Variants in DMD observed in about 807,000 individuals in gnomAD.
DMD encodes mutant dystrophin.
In DMD, 63 loss-of-function variants were observed where a neutral mutation model predicts 330.1. That is an observed-to-expected ratio of 0.19 (90% confidence interval 0.16 to 0.24). DMD has a LOEUF of 0.24. Among genes scored for constraint, DMD ranks in the 10% least tolerant of loss-of-function variants. DMD has a pLI of 1.00. For synonymous variants in DMD, 1,223 were observed against 959.8 expected (o/e 1.27, Z -5.07); for missense variants, 3,344 against 2,684.1 (o/e 1.25, Z -5.43).
chrX:32,899,876 G>T (rs2149293329), intron 2 of DMD, among the ~76,000 whole-genome samples: 1 of 110,911 alleles, frequency 9.0e-6, no homozygotes, highest in South Asian at 3.8e-4. Context: ...GTTTGAAATT[G>T]AGTTCAGTTG....
At chrX:32,776,146 A>C (rs1360699498) in intron 7 of DMD, among the ~76,000 whole-genome samples, 1 of 111,399 alleles carries the variant, frequency 9.0e-6, no homozygotes, top group African/African-American at 3.3e-5. Context: ...CCAGTTCCCA[A>C]CAAGTTCCTC....
chrX:31,294,867 C>G (rs751575731), intron 62 of DMD, among the ~76,000 whole-genome samples: 1 of 112,068 alleles, frequency 8.9e-6, no homozygotes, highest in Non-Finnish European at 1.9e-5. Context: ...TGCTCAGAGA[C>G]GTAGTGTTGA....
At chrX:33,053,592 T>A (rs1334494754) in intron 1 of DMD, among the ~76,000 whole-genome samples, 1 of 109,042 alleles carries the variant, frequency 9.2e-6, no homozygotes, top group Non-Finnish European at 1.9e-5. Context: ...CAAGACTCCA[T>A]CTCAAAAAAA....
chrX:32,482,348 C>T (rs1183441268), intron 21 of DMD, among the ~76,000 whole-genome samples: 1 of 111,329 alleles, frequency 9.0e-6, no homozygotes, highest in Non-Finnish European at 1.9e-5. Context: ...AATCTTATTT[C>T]TGCCTGTACA....
intron 9 of DMD, among the ~76,000 whole-genome samples, chrX:32,654,333 C>G (rs757380645): frequency 4.0e-4 from 45 of 111,550 alleles, no homozygotes; most frequent in African/African-American, 1.3e-3. Context: ...CCATCAATAC[C>G]TAATTTATTG....
chrX:33,300,795 A>G (rs1209242670), intron 1 of DMD, among the ~76,000 whole-genome samples: 1 of 111,791 alleles, frequency 8.9e-6, no homozygotes, highest in Non-Finnish European at 1.9e-5. Flanking sequence ...AAAAGGACTA[A>G]GACACTGATT....
chrX:32,427,008 G>A (rs2148075536), intron 29 of DMD, among the ~76,000 whole-genome samples: 1 of 111,253 alleles, frequency 9.0e-6, no homozygotes, highest in African/African-American at 3.3e-5. Context: ...CAGGTAGTAT[G>A]CTTATTACCT....
intron 77 of DMD, among the ~76,000 whole-genome samples, chrX:31,130,093 G>C (rs753494029): frequency 9.0e-6 from 1 of 111,353 alleles, no homozygotes; most frequent in African/African-American, 3.3e-5. Flanking sequence ...GCTTATCTTG[G>C]CTCCTATTAT....
chrX:32,950,233 T>C (rs756886065), intron 2 of DMD, among the ~76,000 whole-genome samples: 11 of 111,306 alleles, frequency 9.9e-5, no homozygotes, highest in South Asian at 3.8e-4. Context: ...CTAGGATCTA[T>C]TGAGCACTTA....
At chrX:31,266,734 T>C in intron 62 of DMD, 1 of 1,047,476 alleles carries the variant, frequency 9.5e-7, no homozygotes, top group Non-Finnish European at 1.3e-6. Flanking sequence ...TTTGACCGCC[T>C]CAGCTTGCCC....
At chrX:32,726,504 T>TAA (rs2066898015) in intron 7 of DMD, among the ~76,000 whole-genome samples, 1 of 111,036 alleles carries the variant, frequency 9.0e-6, no homozygotes, top group Non-Finnish European at 1.9e-5. Context: ...ACAGCTATTA[T>TAA]AATAAAATAT....
chrX:31,290,186 GCTAGGA>G (rs1444233871), intron 62 of DMD, among the ~76,000 whole-genome samples: 1 of 110,279 alleles, frequency 9.1e-6, no homozygotes, highest in African/African-American at 3.3e-5. Context: ...CTCCCAAAGT[GCTAGGA>G]CTACAGGCAT....
intron 45 of DMD, among the ~76,000 whole-genome samples, chrX:31,963,327 A>G (rs2095323668): frequency 8.9e-6 from 1 of 112,231 alleles, no homozygotes; most frequent in African/African-American, 3.2e-5. Flanking sequence ...AGCATAGATT[A>G]TATACTAGTA....
At chrX:32,391,704 T>C (rs926347386) in intron 30 of DMD, among the ~76,000 whole-genome samples, 6 of 111,919 alleles carry the variant, frequency 5.4e-5, no homozygotes, top group Non-Finnish European at 1.9e-5. Flanking sequence ...TCCATCTAGG[T>C]GCATGACGTT....
At chrX:33,190,425 A>G (rs2050465553) in intron 1 of DMD, among the ~76,000 whole-genome samples, 1 of 97,559 alleles carries the variant, frequency 1.0e-5, no homozygotes, top group African/African-American at 3.6e-5. Flanking sequence ...ACATACCTTA[A>G]CTTACTTAAA....
chrX:32,818,365 C>G (rs765357240), intron 5 of DMD, among the ~76,000 whole-genome samples: 1 of 110,971 alleles, frequency 9.0e-6, no homozygotes, highest in Admixed American at 9.6e-5. Context: ...TACTTAGGTG[C>G]AAATGTTGCT....
chrX:31,766,771 G>A (rs1199038763), intron 51 of DMD, among the ~76,000 whole-genome samples: 1 of 111,455 alleles, frequency 9.0e-6, no homozygotes, highest in Non-Finnish European at 1.9e-5. Flanking sequence ...TTTGAAATGT[G>A]TAGTTTAGTA....
chrX:33,177,575 G>A (rs1444289452), intron 1 of DMD, among the ~76,000 whole-genome samples: 6 of 110,315 alleles, frequency 5.4e-5, no homozygotes, highest in Admixed American at 3.9e-4. Context: ...TAGTAGAGAC[G>A]GGGTTTCACC....
At chrX:31,139,066 T>C (rs2035706960) in intron 76 of DMD, among the ~76,000 whole-genome samples, 1 of 112,295 alleles carries the variant, frequency 8.9e-6, no homozygotes, top group Non-Finnish European at 1.9e-5. Flanking sequence ...AAATAGCATA[T>C]TGCTAGTCTT....
Sources: allele counts gnomAD v4.1 joint callset (sites outside exome capture counted in the v4.1 genomes callset), GRCh38; gene constraint gnomAD v4.1.1; transcripts MANE v1.5; gene names NCBI Gene and HGNC (gene_info 2026-07-23, HGNC 2026-07-21).